Variants in RLF observed in about 807,000 individuals in gnomAD.
RLF encodes the protein RLF zinc finger, also known as zinc finger protein Rlf.
Under a neutral mutation model 162.9 loss-of-function variants are expected in RLF, and 7 were observed. The ratio of observed to expected loss-of-function variants is 0.04; its 90% CI spans 0.02 to 0.08. The LOEUF is 0.08. RLF is among the 10% of genes least tolerant of loss of function. The pLI, the probability that RLF is intolerant of heterozygous loss-of-function variation, is 1.00. For synonymous variants in RLF, 782 were observed against 791.5 expected, an observed-to-expected ratio of 0.99 and a Z score of 0.20; for missense variants, 1,664 against 2,244.7, an observed-to-expected ratio of 0.74 and a Z score of 5.23.
At chr1:40,219,989 G>A (rs1295799027) in intron 5 of RLF, among the ~76,000 whole-genome samples, 3 of 152,178 alleles carry the variant, frequency 2.0e-5, no homozygotes, top group Non-Finnish European at 2.9e-5. Context: ...GCTCACGCCT[G>A]TAATCCCAGC....
chr1:40,218,701 G>A (rs1003610206), intron 5 of RLF, among the ~76,000 whole-genome samples: 3 of 151,216 alleles, frequency 2.0e-5, no homozygotes, highest in Admixed American at 6.6e-5. Flanking sequence ...TATTCTTCCT[G>A]TCTTCAGTTT....
At chr1:40,200,610 T>G (rs1642698881) in intron 4 of RLF, among the ~76,000 whole-genome samples, 1 of 152,008 alleles carries the variant, frequency 6.6e-6, no homozygotes, top group African/African-American at 2.4e-5. Flanking sequence ...TCTTCCATAC[T>G]CATAGAATAT....
At chr1:40,212,052 A>C (rs1642871956) in intron 5 of RLF, among the ~76,000 whole-genome samples, 1 of 152,240 alleles carries the variant, frequency 6.6e-6, no homozygotes, top group African/African-American at 2.4e-5. Context: ...TTAGAGTTTA[A>C]ATTCAGCATA....
intron 4 of RLF, among the ~76,000 whole-genome samples, chr1:40,198,058 C>G (rs969046176): frequency 6.6e-6 from 1 of 152,030 alleles, no homozygotes; most frequent in Non-Finnish European, 1.5e-5. Context: ...GGCTGGAGTG[C>G]AATGGTGTGA....
Position 40,239,901 on chromosome 1 carries a change from A to G in RLF, c.5199A>G (p.Ser1733=). 6.2e-7 allele frequency: 1 copy of G among 1,613,792 alleles called. No homozygotes were observed. The highest frequency in any genetic ancestry group is 1.3e-5 in the African/African-American group (1 of 75,058). The part of the protein sequence containing the change: ...IKESETRQHS[S]GQENTVKNPT... ...AATCAGAAACTAGGCAGCATAGTTC[A>G]GGGCAAGAAAACACTGTAAAAAATC... Residue 1733 remains serine (S), a synonymous_variant, in exon 8 of 8, where the codon TCA becomes TCG. Transcript: ENST00000372771.
At chr1:40,203,768 T>C (rs1185355012) in intron 5 of RLF, among the ~76,000 whole-genome samples, 1 of 152,160 alleles carries the variant, frequency 6.6e-6, no homozygotes, top group Admixed American at 6.5e-5. Flanking sequence ...AATTTTTTAT[T>C]AGATGTAGTA....
At chr1:40,204,125 C>T (rs968471613) in intron 5 of RLF, among the ~76,000 whole-genome samples, 5 of 150,900 alleles carry the variant, frequency 3.3e-5, no homozygotes, top group Non-Finnish European at 5.9e-5. Context: ...AAGCAATTCT[C>T]CTGCCTCAGC....
chr1:40,174,847 G>T (rs796236270), intron 1 of RLF, among the ~76,000 whole-genome samples: 7 of 152,166 alleles, frequency 4.6e-5, no homozygotes, highest in African/African-American at 1.2e-4. Flanking sequence ...TCTTTATTTG[G>T]TTTTTTCTTC....
intron 5 of RLF, among the ~76,000 whole-genome samples, chr1:40,205,416 C>T (rs1030520140): frequency 6.6e-6 from 1 of 151,576 alleles, no homozygotes; most frequent in African/African-American, 2.4e-5. Context: ...GCCCCATTTC[C>T]TTCTGGCTTT....
Position 40,237,160 on chromosome 1 carries a change from A to G in RLF, c.2458A>G (p.Asn820Asp). The change falls in exon 8 of 8, where the codon AAT becomes GAT. Residue 820 changes from asparagine (N) to aspartate (D), a missense_variant. By Grantham distance (23) the Asn-to-Asp change is conservative (BLOSUM62 1). Coordinates refer to ENST00000372771, the MANE Select transcript of RLF (RefSeq NM_012421.4). The surrounding 1 kb of genome is among the most constrained non-coding windows in gnomAD (Gnocchi z 4.4). Reference protein sequence around the residue: ...KFYYSKIEYQNHLSMHNVENS... With the variant: ...KFYYSKIEYQDHLSMHNVENS... ...CTATTACTCCAAAATTGAATACCAG[A>G]ATCACCTCTCAATGCATAATGTTGA... is the stretch of plus-strand genomic sequence containing the variant. 2 of 1,614,120 alleles carry G rather than the reference A, an allele frequency of 1.2e-6. No homozygotes were observed. The highest frequency in any genetic ancestry group is 1.7e-6 in the Non-Finnish European group (2 of 1,180,012).
chr1:40,184,527 TGG>T (rs1642446554), intron 1 of RLF, among the ~76,000 whole-genome samples: 1 of 152,174 alleles, frequency 6.6e-6, no homozygotes, highest in South Asian at 2.1e-4. Context: ...GCATATTTGC[TGG>T]GGAAGATGTT....
In RLF at chr1:40,207,245, G is replaced by T. The variant is rs139882567; in HGVS notation, c.810+4631G>T. On this transcript the variant is annotated intron_variant, in intron 5 of 7. Transcript: ENST00000372771. ...AATGAAAGGTATAGCCTCATCCCTTGATCTTTTGTTACTAGGATTTCTAGC... is the reference window on the plus strand; with the variant it reads ...AATGAAAGGTATAGCCTCATCCCTTTATCTTTTGTTACTAGGATTTCTAGC... Among the ~76,000 whole-genome samples, 10 of 152,294 alleles carry T rather than the reference G, an allele frequency of 6.6e-5. No homozygotes were observed. The East Asian group carries it at 1.9e-3, about 29-fold the overall frequency.
chr1:40,209,081 T>G (rs900513733), intron 5 of RLF, among the ~76,000 whole-genome samples: 4 of 152,220 alleles, frequency 2.6e-5, no homozygotes, highest in African/African-American at 7.2e-5. Flanking sequence ...AGTTTTTATT[T>G]CTTTTGTTTA....
At chr1:40,181,124 T>C (rs1458973890) in intron 1 of RLF, among the ~76,000 whole-genome samples, 1 of 152,236 alleles carries the variant, frequency 6.6e-6, no homozygotes. Flanking sequence ...TTTCCTAACA[T>C]TGTTGAATGA....
chr1:40,169,355 G>A (rs1210565634), intron 1 of RLF, among the ~76,000 whole-genome samples: 3 of 151,900 alleles, frequency 2.0e-5, no homozygotes, highest in Non-Finnish European at 2.9e-5. Context: ...GGTGGCTCAC[G>A]CCTGTAGTCC....
intron 1 of RLF, among the ~76,000 whole-genome samples, chr1:40,187,788 T>C (rs1642501830): frequency 6.6e-6 from 1 of 152,178 alleles, no homozygotes; most frequent in Non-Finnish European, 1.5e-5. Flanking sequence ...GGACCATTTG[T>C]GTGGAAACTA....
chr1:40,194,313 A>G (rs535831819), intron 3 of RLF, among the ~76,000 whole-genome samples: 2 of 152,310 alleles, frequency 1.3e-5, no homozygotes, highest in South Asian at 2.1e-4. Context: ...TGAATACTGC[A>G]GAATTCTTTA....
chr1:40,182,256 AC>A (rs1553172669), intron 1 of RLF, among the ~76,000 whole-genome samples: 1 of 151,860 alleles, frequency 6.6e-6, no homozygotes, highest in Non-Finnish European at 1.5e-5. Context: ...ACATGGTGAA[AC>A]CCCCGTCTCT....
chr1:40,229,740 A>G (rs998225455), intron 6 of RLF, among the ~76,000 whole-genome samples: 1 of 151,808 alleles, frequency 6.6e-6, no homozygotes, highest in East Asian at 1.9e-4. Flanking sequence ...GCCATGAGAC[A>G]CCACGCCCGG....
Sources: allele counts gnomAD v4.1 joint callset (sites outside exome capture counted in the v4.1 genomes callset), GRCh38; gene constraint gnomAD v4.1.1; non-coding constraint Gnocchi (gnomAD v3.1); transcripts MANE v1.5; gene names NCBI Gene and HGNC (gene_info 2026-07-23, HGNC 2026-07-21).